The following SMAD4 variants were observed in gnomAD, a reference collection of about 807,000 sequenced individuals.
SMAD4 encodes the protein MAD homolog 4.
Under a neutral mutation model 63.2 loss-of-function variants are expected in SMAD4, and 7 were observed. The ratio of observed to expected loss-of-function variants is 0.11; its 90% CI spans 0.06 to 0.21. SMAD4 has a LOEUF of 0.21. SMAD4 is among the 10% of genes least tolerant of loss of function. The pLI is 1.00. For synonymous variants in SMAD4, 215 were observed against 235.4 expected (o/e 0.91, Z 0.79); for missense variants, 312 against 693.8 (o/e 0.45, Z 6.18).
At chr18:51,074,129 T>G (rs1415338006) in intron 10 of SMAD4, among the ~76,000 whole-genome samples, 1 of 151,706 alleles carries the variant, frequency 6.6e-6, no homozygotes, top group Non-Finnish European at 1.5e-5. Flanking sequence ...ATCCCAGCAC[T>G]TCGGGAGGTC....
intron 1 of SMAD4, among the ~76,000 whole-genome samples, 152 bp downstream of exon 1, chr18:51,030,775 C>A (rs1480545961): frequency 1.3e-5 from 2 of 151,258 alleles, no homozygotes; most frequent in Admixed American, 6.6e-5. Flanking sequence ...CCGCGGCGGC[C>A]TGACGAGCCG....
At chr18:51,033,377 A>G (rs1201370015) in intron 1 of SMAD4, among the ~76,000 whole-genome samples, 1 of 152,094 alleles carries the variant, frequency 6.6e-6, no homozygotes, top group Non-Finnish European at 1.5e-5. Flanking sequence ...TTTAGTAGAG[A>G]CGAGGTTTCG....
Position 51,084,897 on chromosome 18 carries a change from A to G in SMAD4, c.*6430A>G, listed in dbSNP as rs1163920254. On this transcript the variant is annotated 3_prime_UTR_variant, in exon 12 of 12. Coordinates refer to ENST00000342988, the MANE Select transcript of SMAD4 (RefSeq NM_005359.6). ...ACTCGTAGCTTCTGCTTTGGGGACA[A>G]CTGGTCAGTTGAAAGTCCCAGGAGT... 4.5e-6 allele frequency: 1 copy of G among 221,344 alleles called. No homozygotes were observed. Among genetic ancestry groups the G allele is most frequent in the East Asian group, 6.6e-5 (1 of 15,246 alleles). 13.7% of individuals were successfully genotyped at this position (221,344 alleles called of 1,614,324 possible). A position where few individuals can be genotyped will look rare whatever the true frequency, so the allele number is the denominator to read the frequency against.
At position 51,051,345 on chromosome 18, in the gene SMAD4, T is replaced by C. The variant is rs181489309; in HGVS notation, c.454+2021T>C. On this transcript the variant is annotated intron_variant, in intron 4 of 11. Coordinates refer to ENST00000342988, the MANE Select transcript of SMAD4 (RefSeq NM_005359.6). ...TGTAAAGGCTGTCTTCAGTGTCTTA[T>C]TTCCTCAGAAAACAACTGGTATTTC... 209 of 456,226 alleles carry C rather than the reference T, an allele frequency of 4.6e-4. 1 individual carries two copies. Among genetic ancestry groups the C allele is most frequent in the South Asian group, 3.1e-3 (200 of 64,546 alleles). 28.3% of individuals were successfully genotyped at this position (456,226 alleles called of 1,614,324 possible). A position where few individuals can be genotyped will look rare whatever the true frequency, so the allele number is the denominator to read the frequency against.
chr18:51,060,851 C>G (rs1599191897), intron 8 of SMAD4, among the ~76,000 whole-genome samples: 2 of 151,922 alleles, frequency 1.3e-5, no homozygotes, highest in Non-Finnish European at 2.9e-5. Flanking sequence ...CCAGGCTGGT[C>G]TCGAACTCCT....
At chr18:51,038,956 A>G (rs1909290834) in intron 1 of SMAD4, among the ~76,000 whole-genome samples, 1 of 152,186 alleles carries the variant, frequency 6.6e-6, no homozygotes, top group Admixed American at 6.5e-5. Context: ...AACATACAAA[A>G]ATTAGCTGGG....
Position 51,079,826 on chromosome 18 carries a change from A to G in SMAD4, c.*1359A>G, listed in dbSNP as rs185104256. 5.1e-4 allele frequency: 118 copies of G among 232,358 alleles called. 1 individual carries two copies. The highest frequency in any genetic ancestry group is 3.6e-3 in the Admixed American group (64 of 17,758). The allele number at this position is 232,358 out of a possible 1,614,324, so 14.4% of individuals were successfully genotyped here. The stretch of plus-strand genomic sequence containing the variant: ...TTTTAAGATTTTTTTTTTCTTTTGC[A>G]CTTTTGAGTCCAATCTCAGTGATGA... On this transcript the variant is annotated 3_prime_UTR_variant, in exon 12 of 12. Coordinates refer to ENST00000342988, the MANE Select transcript of SMAD4 (RefSeq NM_005359.6).
chr18:51,056,776 A>G (rs1361301036), intron 5 of SMAD4, among the ~76,000 whole-genome samples: 1 of 152,172 alleles, frequency 6.6e-6, no homozygotes, highest in African/African-American at 2.4e-5. Flanking sequence ...TTAGAATTGT[A>G]TAAGGGAAGT....
chr18:51,031,921 A>C (rs965034977), intron 1 of SMAD4, among the ~76,000 whole-genome samples: 3 of 152,172 alleles, frequency 2.0e-5, no homozygotes, highest in African/African-American at 7.2e-5. Context: ...TACTCTCTCT[A>C]TATTGGAAAG....
intron 10 of SMAD4, among the ~76,000 whole-genome samples, chr18:51,074,613 CTG>C (rs933159243): frequency 2.0e-5 from 3 of 152,134 alleles, no homozygotes; most frequent in African/African-American, 4.8e-5. Context: ...GACAGGGACT[CTG>C]TACTTTCTGC....
chr18:51,051,240 TG>T, intron 4 of SMAD4: 2 of 367,098 alleles, frequency 5.4e-6, no homozygotes. Flanking sequence ...CTGTTATTGA[TG>T]GGATTGTACG....
At chr18:51,037,367 C>T (rs879829427) in intron 1 of SMAD4, among the ~76,000 whole-genome samples, 17 of 152,078 alleles carry the variant, frequency 1.1e-4, no homozygotes, top group Non-Finnish European at 1.8e-4. Context: ...GAAACTGAGA[C>T]GTTATTTGCC....
chr18:51,053,996 T>C (rs1048770354), intron 4 of SMAD4: 1 of 152,210 alleles, frequency 6.6e-6, no homozygotes, highest in Non-Finnish European at 1.5e-5. Context: ...CAGTTTCAGT[T>C]TTCTTTTTGT....
At position 51,065,313 on chromosome 18, in the gene SMAD4, A is replaced by G. The variant is rs932318615; in HGVS notation, c.956-110A>G. 14 of 874,074 alleles carry G rather than the reference A, an allele frequency of 1.6e-5. No homozygotes were observed. In the South Asian group the frequency reaches 1.6e-4, roughly 10 times the overall value. The allele number at this position is 874,074 out of a possible 1,614,324, so 54.1% of individuals were successfully genotyped here. A position where few individuals can be genotyped will look rare whatever the true frequency, so the allele number is the denominator to read the frequency against. The stretch of plus-strand genomic sequence containing the variant: ...GTTGTTTTGGGTGCATTACATTTCC[A>G]TCTCCCCTCCCTTTACCCTTTCTTT... On this transcript the variant is annotated intron_variant, in intron 8 of 11. Transcript: ENST00000342988.
In SMAD4 at chr18:51,084,618, G is replaced by A. The variant is rs1910704036; in HGVS notation, c.*6151G>A. 4.4e-6 allele frequency: 1 copy of A among 229,792 alleles called. No homozygotes were observed. The highest frequency in any genetic ancestry group is 6.2e-5 in the East Asian group (1 of 16,204). 14.2% of individuals were successfully genotyped at this position (229,792 alleles called of 1,614,324 possible). A position where few individuals can be genotyped will look rare whatever the true frequency, so the allele number is the denominator to read the frequency against. ...GCTTGTCATTGATAGAAGGACTCAC[G>A]GGCTTGGATTGATTAAGACTAAACA... is the stretch of plus-strand genomic sequence containing the variant. On this transcript the variant is annotated 3_prime_UTR_variant, in exon 12 of 12. Coordinates refer to ENST00000342988, the MANE Select transcript of SMAD4 (RefSeq NM_005359.6).
Position 51,078,478 on chromosome 18 carries a change from C to T in SMAD4, c.*11C>T, listed in dbSNP as rs11663402. On this transcript the variant is annotated 3_prime_UTR_variant, in exon 12 of 12. Transcript: ENST00000342988. ...CAACCTTTAGACTGAGGTCTTTTACCGTTGGGGCCCTTAACCTTATCAGGA... is the reference window on the plus strand; with the variant it reads ...CAACCTTTAGACTGAGGTCTTTTACTGTTGGGGCCCTTAACCTTATCAGGA... 6.2e-3 allele frequency: 9,825 copies of T among 1,588,848 alleles called. 61 individuals are homozygous for T. Among genetic ancestry groups the T allele is most frequent in the Non-Finnish European group, 7.3e-3 (8,461 of 1,157,552 alleles).
At chr18:51,071,052 A>G (rs148628745) in intron 10 of SMAD4, among the ~76,000 whole-genome samples, 96 of 152,330 alleles carry the variant, frequency 6.3e-4, no homozygotes, top group Admixed American at 1.1e-3. Context: ...GTCTTGGAAC[A>G]TATCCCCCAT....
rs68159021 is a variant in SMAD4 at position 51,084,002 on chromosome 18, A to ACGCGCG, written c.*5541_*5546dup. The ACGCGCG allele has an allele frequency of 2.1e-5, 2 of 94,382 alleles. No homozygotes were observed. The highest frequency in any genetic ancestry group is 4.5e-4 in the East Asian group (2 of 4,412). 5.8% of individuals were successfully genotyped at this position (94,382 alleles called of 1,614,324 possible). On this transcript the variant is annotated 3_prime_UTR_variant, in exon 12 of 12. Transcript: ENST00000342988. The stretch of plus-strand genomic sequence containing the variant: ...CAATAAACACTTAACGCGCGTGCGC[A>ACGCGCG]CGCGCGCGCGCACACACACACACAC...
chr18:51,054,470 C>A (rs1011175609), intron 4 of SMAD4: 10 of 354,418 alleles, frequency 2.8e-5, no homozygotes, highest in Middle Eastern at 8.7e-4. Flanking sequence ...GGTGATTATT[C>A]TTCTAGGTTT....
Sources: gnomAD v4.1 joint callset for allele counts (sites outside exome capture counted in the v4.1 genomes callset) on GRCh38, gnomAD v4.1.1 for gene constraint, MANE v1.5 for transcripts, NCBI Gene and HGNC (gene_info 2026-07-23, HGNC 2026-07-21) for gene names.